LYZL1: variants seen among roughly 807,000 people sequenced by gnomAD.
The protein encoded by LYZL1 is lysozyme-like protein 1.
LYZL1 carries 16 observed loss-of-function variants against 17.9 expected under a neutral mutation model. The observed-to-expected ratio is 0.90, with a 90% CI of 0.61 to 1.36. The LOEUF is 1.36. Among genes scored for constraint, LYZL1 ranks in the 40% most tolerant of loss-of-function variants. The probability of loss-of-function intolerance (pLI) is 0.00; values close to 1 mark genes in which losing one functional copy is unlikely to be tolerated. For missense variants in LYZL1, 149 were observed against 188.4 expected (o/e 0.79, Z 1.22); for synonymous variants, 58 against 71.8 (o/e 0.81, Z 0.97).
intron 3 of LYZL1, among the ~76,000 whole-genome samples, chr10:29,308,472 C>G (rs1835626255): frequency 6.6e-6 from 1 of 152,148 alleles, no homozygotes; most frequent in Non-Finnish European, 1.5e-5. Context: ...TCTAGCACCT[C>G]AAACCCATCG....
downstream of LYZL1, among the ~76,000 whole-genome samples, chr10:29,312,000 G>A (rs1337689384): frequency 1.3e-5 from 2 of 151,798 alleles, no homozygotes; most frequent in Admixed American, 1.3e-4. Context: ...TTTTTCCGGA[G>A]TAAAAAATAA....
chr10:29,316,928 A>G (rs80264344), intron 3 of LYZL1, among the ~76,000 whole-genome samples: 5,369 of 152,102 alleles, frequency 0.035, 159 homozygotes, highest in South Asian at 0.079. Flanking sequence ...ATGTTGCCCA[A>G]GCTGTTCTTG....
At chr10:29,314,179 T>A (rs1057074246), downstream of LYZL1, among the ~76,000 whole-genome samples, 1 of 152,148 alleles carries the variant, frequency 6.6e-6, no homozygotes. Flanking sequence ...AGCTCCCAGC[T>A]CCTCTAACCC....
chr10:29,305,154 T>C (rs1338686890), intron 3 of LYZL1, among the ~76,000 whole-genome samples: 2 of 152,182 alleles, frequency 1.3e-5, no homozygotes, highest in Non-Finnish European at 2.9e-5. Context: ...CCAGAAAATA[T>C]GCTAGACTAC....
intron 3 of LYZL1, among the ~76,000 whole-genome samples, chr10:29,300,110 G>A (rs367680092): frequency 1.4e-4 from 21 of 152,208 alleles, no homozygotes; most frequent in African/African-American, 3.6e-4. Flanking sequence ...GACATACATC[G>A]TGGAACCTTG....
At chr10:29,293,204 C>T (rs1835401110) in intron 3 of LYZL1, among the ~76,000 whole-genome samples, 1 of 132,924 alleles carries the variant, frequency 7.5e-6, no homozygotes, top group Admixed American at 9.3e-5. Context: ...GTGATCATAG[C>T]TCATTGCAGT....
chr10:29,312,207 A>C (rs1835681729), downstream of LYZL1, among the ~76,000 whole-genome samples: 1 of 152,088 alleles, frequency 6.6e-6, no homozygotes, highest in Non-Finnish European at 1.5e-5. Flanking sequence ...AATGGGTCCA[A>C]ACAGATAAAA....
chr10:29,306,790 T>TTAGG (rs1177348807), intron 3 of LYZL1, among the ~76,000 whole-genome samples: 91 of 104,978 alleles, frequency 8.7e-4, no homozygotes, highest in African/African-American at 3.4e-3. Context: ...TAGTTACCGC[T>TTAGG]TATGTATGTG....
rs1439304085 is a variant in LYZL1, at chr10:29,305,071, T to C, written c.299-5039T>C. On this transcript the variant is annotated intron_variant, in intron 3 of 4. Transcript: ENST00000649382. ...AATCCCAGAATAATAGAATGTGATC[T>C]GCTTCCTCCTCACTATGTATTATAT... 2.0e-5 allele frequency among the ~76,000 whole-genome samples: 3 copies of C among 152,294 alleles called. No individual in the cohort carries two copies. The East Asian group carries it at 5.8e-4, about 29-fold the overall frequency.
downstream of LYZL1, among the ~76,000 whole-genome samples, chr10:29,313,732 T>C (rs914046286): frequency 2.0e-5 from 3 of 152,226 alleles, no homozygotes; most frequent in Non-Finnish European, 4.4e-5. Context: ...TATGCCTGAG[T>C]TATCTTTATT....
At chr10:29,297,138 C>A (rs115058523) in intron 3 of LYZL1, among the ~76,000 whole-genome samples, 11 of 138,740 alleles carry the variant, frequency 7.9e-5, no homozygotes, top group Non-Finnish European at 1.6e-4. Context: ...AAATAAAGAA[C>A]CTTTGGAAAT....
At chr10:29,302,558 C>T (rs1023697612) in intron 3 of LYZL1, among the ~76,000 whole-genome samples, 1 of 152,208 alleles carries the variant, frequency 6.6e-6, no homozygotes. Flanking sequence ...TGTCGCATGT[C>T]TCATTAGCAT....
intron 3 of LYZL1, among the ~76,000 whole-genome samples, chr10:29,303,314 T>A (rs1000855773): frequency 5.9e-5 from 9 of 152,278 alleles, no homozygotes; most frequent in African/African-American, 2.2e-4. Context: ...ACCTTCCTGG[T>A]CTGCAGAGCT....
At chr10:29,303,170 G>C (rs528056393) in intron 3 of LYZL1, among the ~76,000 whole-genome samples, 1 of 152,284 alleles carries the variant, frequency 6.6e-6, no homozygotes, top group East Asian at 1.9e-4. Context: ...AGACTGGGTG[G>C]AATCCCTTTG....
At chr10:29,300,687 C>T (rs12416269) in intron 3 of LYZL1, among the ~76,000 whole-genome samples, 46,603 of 152,046 alleles carry the variant, frequency 0.31, 8,479 homozygotes, top group East Asian at 0.53. Flanking sequence ...GTTTTGGTTT[C>T]GGTTTTTTTA....
chr10:29,306,549 C>CAAAAAAAAAAAAAAA (rs58001118), intron 3 of LYZL1, among the ~76,000 whole-genome samples: 5 of 48,800 alleles, frequency 1.0e-4, no homozygotes, highest in African/African-American at 4.7e-4. Context: ...GACTCCGTCT[C>CAAAAAAAAAAAAAAA]AAAAAAAAAA....
intron 3 of LYZL1, among the ~76,000 whole-genome samples, chr10:29,293,943 C>T (rs1374969661): frequency 6.6e-6 from 1 of 151,336 alleles, no homozygotes; most frequent in Non-Finnish European, 1.5e-5. Flanking sequence ...CATTCTACTC[C>T]AGCCTGGGTG....
intron 3 of LYZL1, among the ~76,000 whole-genome samples, chr10:29,302,049 A>C (rs1296528522): frequency 6.6e-6 from 1 of 152,192 alleles, no homozygotes; most frequent in African/African-American, 2.4e-5. Context: ...TCCTTGACAT[A>C]AGTAAGCATG....
intron 3 of LYZL1, among the ~76,000 whole-genome samples, chr10:29,303,906 T>C (rs1835554992): frequency 2.0e-5 from 3 of 152,224 alleles, no homozygotes; most frequent in South Asian, 4.1e-4. Flanking sequence ...ACAGCATGGA[T>C]ACACTTCATG....
Sources: gnomAD v4.1 joint callset for allele counts (sites outside exome capture counted in the v4.1 genomes callset) on GRCh38, gnomAD v4.1.1 for gene constraint, MANE v1.5 for transcripts, NCBI Gene and HGNC (gene_info 2026-07-23, HGNC 2026-07-21) for gene names.